The following STK33 variants were observed in gnomAD, a reference collection of about 807,000 sequenced individuals.
STK33 encodes the protein serine/threonine kinase 33.
STK33 carries 52 observed loss-of-function variants against 58.0 expected under a neutral mutation model. The observed-to-expected ratio is 0.90, with a 90% confidence interval of 0.72 to 1.13. The LOEUF is 1.13. STK33 is among the 50% of genes most tolerant of loss of function. The probability of loss-of-function intolerance (pLI) is 0.00; values close to 1 mark genes in which losing one functional copy is unlikely to be tolerated. For synonymous variants in STK33, 215 were observed against 200.1 expected (o/e 1.07, Z -0.63); for missense variants, 630 against 604.2 (o/e 1.04, Z -0.45).
At chr11:8,361,399 ACCTGCATCTGACCAGACCCCTG>A in the STK33 span, among the ~76,000 whole-genome samples, 1 of 151,896 alleles carries the variant, frequency 6.6e-6, no homozygotes, top group Non-Finnish European at 1.5e-5. This position sits in a 1 kb window ranked among gnomAD's most constrained non-coding sequence, Gnocchi z 4.8. Context: ...GCAGCCACCA[ACCTGCATCTGACCAGACCCCTG>A]CCTGCCCTCA....
At chr11:8,357,944 C>T in the STK33 span, among the ~76,000 whole-genome samples, 2 of 152,336 alleles carry the variant, frequency 1.3e-5, no homozygotes, top group African/African-American at 2.4e-5. Flanking sequence ...CTCAGCTTGG[C>T]CACTATCGAC....
At chr11:8,347,213 TCA>T in the STK33 span, among the ~76,000 whole-genome samples, 1 of 152,208 alleles carries the variant, frequency 6.6e-6, no homozygotes, top group Admixed American at 6.5e-5. Context: ...AGGGGGGAGC[TCA>T]CACTGCTCAT....
At chr11:8,536,162 T>C (rs909036877) in intron 1 of STK33, among the ~76,000 whole-genome samples, 8 of 152,078 alleles carry the variant, frequency 5.3e-5, no homozygotes, top group Non-Finnish European at 7.4e-5. Context: ...TACAGTTAGA[T>C]AGAAGAAATA....
At chr11:8,411,415 G>C (rs1464753086) in intron 15 of STK33, among the ~76,000 whole-genome samples, 1 of 152,204 alleles carries the variant, frequency 6.6e-6, no homozygotes, top group East Asian at 1.9e-4. Context: ...GGAACTAAGG[G>C]ACCATTATTT....
chr11:8,479,537 C>T (rs1442192147), intron 2 of STK33, among the ~76,000 whole-genome samples: 1 of 151,992 alleles, frequency 6.6e-6, no homozygotes, highest in African/African-American at 2.4e-5. Flanking sequence ...TTTTCTCCCT[C>T]TCCATTATAA....
intron 1 of STK33, among the ~76,000 whole-genome samples, chr11:8,558,160 T>G (rs1421743913): frequency 6.6e-6 from 1 of 152,212 alleles, no homozygotes; most frequent in East Asian, 1.9e-4. Flanking sequence ...AAATAAGATT[T>G]CCATCATTCA....
At chr11:8,529,803 C>A (rs1322511775) in intron 1 of STK33, among the ~76,000 whole-genome samples, 43 of 151,990 alleles carry the variant, frequency 2.8e-4, no homozygotes, top group Admixed American at 2.8e-3. Context: ...TTCAAAAGCC[C>A]CGAGGAAGAA....
At chr11:8,409,138 ACTCTTTT>A (rs1260594860) in intron 15 of STK33, among the ~76,000 whole-genome samples, 1 of 152,110 alleles carries the variant, frequency 6.6e-6, no homozygotes, top group Non-Finnish European at 1.5e-5. Context: ...CACCTATTTA[ACTCTTTT>A]CTGCACAACT....
At chr11:8,551,205 C>T (rs1221860534) in intron 1 of STK33, among the ~76,000 whole-genome samples, 10 of 152,080 alleles carry the variant, frequency 6.6e-5, no homozygotes, top group Non-Finnish European at 1.5e-4. Context: ...TCTTGGCTCA[C>T]TGCAACCTTT....
intron 1 of STK33, among the ~76,000 whole-genome samples, chr11:8,555,355 T>C (rs976009375): frequency 2.0e-5 from 3 of 152,112 alleles, no homozygotes; most frequent in Non-Finnish European, 2.9e-5. Flanking sequence ...AATAGCATAT[T>C]GCACGTTTAA....
chr11:8,374,543 G>T, the STK33 span, among the ~76,000 whole-genome samples: 1 of 152,188 alleles, frequency 6.6e-6, no homozygotes, highest in Admixed American at 6.5e-5. Context: ...CAGAGAGAGA[G>T]AAGGATAGAT....
intron 1 of STK33, among the ~76,000 whole-genome samples, chr11:8,513,723 T>C (rs1952527703): frequency 6.6e-6 from 1 of 152,178 alleles, no homozygotes. Flanking sequence ...ATGGGATACA[T>C]GAGATATTTT....
chr11:8,441,210 A>C (rs187946389), intron 11 of STK33, among the ~76,000 whole-genome samples: 227 of 152,218 alleles, frequency 1.5e-3, no homozygotes, highest in Non-Finnish European at 1.5e-3. Flanking sequence ...TAATAGCATC[A>C]CTCCTATAAC....
At chr11:8,490,714 C>G (rs532684031) in intron 1 of STK33, among the ~76,000 whole-genome samples, 6 of 152,136 alleles carry the variant, frequency 3.9e-5, no homozygotes, top group Non-Finnish European at 8.8e-5. Context: ...TGGAACAAAG[C>G]TTCCAGAAGG....
chr11:8,356,000 G>T, the STK33 span, among the ~76,000 whole-genome samples: 1 of 152,210 alleles, frequency 6.6e-6, no homozygotes, highest in African/African-American at 2.4e-5. Context: ...TTCTCCTTGA[G>T]TAACAGGGAG....
At chr11:8,350,924 G>GCCCTTCATACC in the STK33 span, among the ~76,000 whole-genome samples, 1 of 152,090 alleles carries the variant, frequency 6.6e-6, no homozygotes, top group Non-Finnish European at 1.5e-5. Context: ...GCAGAAAACG[G>GCCCTTCATACC]TTGGGATAGA....
intron 1 of STK33, among the ~76,000 whole-genome samples, chr11:8,481,134 C>A (rs1225708334): frequency 6.6e-6 from 1 of 152,060 alleles, no homozygotes; most frequent in East Asian, 1.9e-4. Context: ...ATGTTTCATT[C>A]CACATGAGGA....
At chr11:8,410,474 T>C (rs561851133) in intron 15 of STK33, among the ~76,000 whole-genome samples, 9 of 146,126 alleles carry the variant, frequency 6.2e-5, no homozygotes, top group South Asian at 2.2e-4. Flanking sequence ...TCTTTTCTTT[T>C]TTTTTTTTTT....
intron 15 of STK33, among the ~76,000 whole-genome samples, chr11:8,401,289 G>C (rs968532054): frequency 2.6e-5 from 4 of 152,104 alleles, no homozygotes; most frequent in South Asian, 4.2e-4. Flanking sequence ...CAATGGAACA[G>C]AACAGAGCCC....
Sources: allele counts gnomAD v4.1 joint callset (sites outside exome capture counted in the v4.1 genomes callset), GRCh38; gene constraint gnomAD v4.1.1; non-coding constraint Gnocchi (gnomAD v3.1); transcripts MANE v1.5; gene names NCBI Gene and HGNC (gene_info 2026-07-23, HGNC 2026-07-21).